Variants in BABAM2 observed in about 807,000 individuals in gnomAD.
BABAM2 encodes the protein BRISC and BRCA1-A complex member 2.
Under a neutral mutation model 54.7 loss-of-function variants are expected in BABAM2, and 31 were observed. The ratio of observed to expected loss-of-function variants is 0.57; its 90% CI spans 0.43 to 0.77. The LOEUF (loss-of-function observed/expected upper bound fraction) is 0.77. BABAM2 is among the 30% of genes least tolerant of loss of function. The probability of loss-of-function intolerance (pLI) is 0.00; values close to 1 mark genes in which losing one functional copy is unlikely to be tolerated. For missense variants in BABAM2, 364 were observed against 455.8 expected (o/e 0.80, Z 1.83); for synonymous variants, 167 against 162.9 (o/e 1.03, Z -0.19).
intron 5 of BABAM2, among the ~76,000 whole-genome samples, chr2:28,044,697 T>A (rs546649356): frequency 6.6e-6 from 1 of 152,334 alleles, no homozygotes; most frequent in African/African-American, 2.4e-5. Flanking sequence ...TTAGGGGAGT[T>A]TGTGCTGCTC....
intron 3 of BABAM2, among the ~76,000 whole-genome samples, chr2:27,949,809 C>T (rs1480680127): frequency 6.6e-6 from 1 of 152,010 alleles, no homozygotes; most frequent in Non-Finnish European, 1.5e-5. Flanking sequence ...AAACTGGCAC[C>T]CATCTCTTTA....
intron 10 of BABAM2, among the ~76,000 whole-genome samples, chr2:28,265,530 C>T (rs1473977556): frequency 6.6e-6 from 1 of 152,128 alleles, no homozygotes; most frequent in Non-Finnish European, 1.5e-5. Context: ...CCAGTAGTCC[C>T]CTCTCCATGA....
At chr2:27,958,029 A>G (rs577358068) in intron 3 of BABAM2, among the ~76,000 whole-genome samples, 30 of 152,312 alleles carry the variant, frequency 2.0e-4, no homozygotes, top group African/African-American at 6.7e-4. Flanking sequence ...CCCAGGCATC[A>G]GAAATGTCAG....
chr2:28,309,861 A>G (rs1688915713), intron 11 of BABAM2: 1 of 533,862 alleles, frequency 1.9e-6, no homozygotes, highest in South Asian at 2.5e-5. Context: ...AAGACAATAA[A>G]GTCAGTGCTG....
chr2:27,929,551 C>T (rs917840890), intron 2 of BABAM2, among the ~76,000 whole-genome samples: 8 of 152,122 alleles, frequency 5.3e-5, no homozygotes, highest in Non-Finnish European at 8.8e-5. Flanking sequence ...TTTTAAAAGT[C>T]GAGATATGCC....
rs549607536 is a variant in BABAM2 at position 28,026,462 on chromosome 2, C to T, written c.495+1042C>T. On this transcript the variant is annotated intron_variant, in intron 5 of 11. Transcript: ENST00000379624. The stretch of plus-strand genomic sequence containing the variant: ...ATGGATGAAGCTGGAAACCATGATT[C>T]TCAGCAAACTAACACAGGAACAGGA... Among the ~76,000 whole-genome samples the T allele has an allele frequency of 8.8e-4, 133 of 151,850 alleles. 3 individuals are homozygous for T. Among genetic ancestry groups the T allele is most frequent in the Non-Finnish European group, 8.7e-4 (59 of 67,986 alleles).
chr2:28,015,206 G>A (rs1365780013), intron 4 of BABAM2, among the ~76,000 whole-genome samples: 1 of 152,166 alleles, frequency 6.6e-6, no homozygotes, highest in Non-Finnish European at 1.5e-5. Flanking sequence ...AGATGTGTGA[G>A]GATCAAAGGC....
chr2:28,295,806 C>A (rs900072268), intron 10 of BABAM2, among the ~76,000 whole-genome samples: 4 of 151,750 alleles, frequency 2.6e-5, no homozygotes, highest in Admixed American at 6.6e-5. Context: ...CACGAATAGG[C>A]CTTTTTAAAA....
chr2:27,998,366 C>T (rs1276724784), intron 4 of BABAM2, among the ~76,000 whole-genome samples: 2 of 151,842 alleles, frequency 1.3e-5, no homozygotes, highest in African/African-American at 4.8e-5. Flanking sequence ...AAAAACCAGT[C>T]TATAACCCTA....
At chr2:28,142,322 C>A (rs898714700) in intron 7 of BABAM2, among the ~76,000 whole-genome samples, 1 of 152,010 alleles carries the variant, frequency 6.6e-6, no homozygotes, top group Non-Finnish European at 1.5e-5. Flanking sequence ...CAAATAGGAC[C>A]ATAACAGGGA....
At chr2:27,920,572 G>A (rs1271536371) in intron 2 of BABAM2, among the ~76,000 whole-genome samples, 2 of 152,098 alleles carry the variant, frequency 1.3e-5, no homozygotes, top group African/African-American at 2.4e-5. Context: ...TGATCTTTGA[G>A]CATATTTTAT....
chr2:28,177,264 GAA>G (rs566586746), intron 7 of BABAM2, among the ~76,000 whole-genome samples: 1 of 139,758 alleles, frequency 7.2e-6, no homozygotes, highest in Non-Finnish European at 1.6e-5. Context: ...AGTACTGAAA[GAA>G]AAAAAAAAAA....
At chr2:28,219,928 C>T (rs1185263423) in intron 7 of BABAM2, among the ~76,000 whole-genome samples, 1 of 152,076 alleles carries the variant, frequency 6.6e-6, no homozygotes, top group African/African-American at 2.4e-5. Context: ...AAATCAGGGC[C>T]GGTGAGAAAA....
At chr2:28,012,882 G>A (rs1029131276) in intron 4 of BABAM2, among the ~76,000 whole-genome samples, 2 of 152,094 alleles carry the variant, frequency 1.3e-5, no homozygotes, top group Non-Finnish European at 2.9e-5. Flanking sequence ...AAGAGATGTG[G>A]TTTAAAATTT....
intron 11 of BABAM2, chr2:28,307,982 T>A (rs1256368355): frequency 6.5e-6 from 1 of 154,906 alleles, no homozygotes; most frequent in Admixed American, 6.4e-5. Context: ...CAGTGGCCCC[T>A]CACACACTTT....
At chr2:28,175,841 A>G (rs938052521) in intron 7 of BABAM2, among the ~76,000 whole-genome samples, 1 of 152,160 alleles carries the variant, frequency 6.6e-6, no homozygotes, top group Non-Finnish European at 1.5e-5. Flanking sequence ...CCAAGGATAG[A>G]TACCCTTGGC....
intron 10 of BABAM2, among the ~76,000 whole-genome samples, chr2:28,274,572 C>T (rs1685707095): frequency 6.6e-6 from 1 of 152,176 alleles, no homozygotes; most frequent in Admixed American, 6.5e-5. Flanking sequence ...GCTGGGACTA[C>T]AGGTGCACCC....
intron 11 of BABAM2, among the ~76,000 whole-genome samples, chr2:28,335,154 C>CTTTTTTTTTTTTTTTT (rs56135926): frequency 2.0e-4 from 14 of 71,520 alleles, no homozygotes; most frequent in South Asian, 1.8e-3. Context: ...CTCCCACCTT[C>CTTTTTTTTTTTTTTTT]TTTTTTTTTT....
chr2:28,242,126 G>A (rs948296065), intron 9 of BABAM2, among the ~76,000 whole-genome samples: 2 of 152,086 alleles, frequency 1.3e-5, no homozygotes, highest in African/African-American at 2.4e-5. Flanking sequence ...AATGGAAGTC[G>A]CGCCCCTAGA....
Sources: allele counts gnomAD v4.1 joint callset (sites outside exome capture counted in the v4.1 genomes callset), GRCh38; gene constraint gnomAD v4.1.1; transcripts MANE v1.5; gene names NCBI Gene and HGNC (gene_info 2026-07-23, HGNC 2026-07-21).